The following TSFM variants were observed in gnomAD, a reference collection of about 807,000 sequenced individuals.
TSFM encodes the protein Ts translation elongation factor, mitochondrial, also known as elongation factor Ts, mitochondrial.
TSFM carries 29 observed loss-of-function variants against 33.4 expected under a neutral mutation model. That is an observed-to-expected ratio of 0.87 (90% CI 0.65 to 1.18). The LOEUF (loss-of-function observed/expected upper bound fraction) is 1.18, where lower values mean the gene tolerates loss of function less well. Ranked by LOEUF, TSFM falls within the 50% of genes most tolerant of loss-of-function variation. The pLI, the probability that TSFM is intolerant of heterozygous loss-of-function variation, is 0.00. For synonymous variants in TSFM, 178 were observed against 163.5 expected, an observed-to-expected ratio of 1.09 and a Z score of -0.68; for missense variants, 394 against 395.6, an observed-to-expected ratio of 1.00 and a Z score of 0.04.
intron 5 of TSFM, among the ~76,000 whole-genome samples, chr12:57,793,857 A>G (rs1214735598): frequency 6.6e-6 from 1 of 152,182 alleles, no homozygotes; most frequent in Admixed American, 6.5e-5. Flanking sequence ...ATTGAGGAGC[A>G]TTGTTTTTAG....
chr12:57,782,822 G>A lies in TSFM; in HGVS notation c.21G>A (p.Leu7=). 6.3e-7 allele frequency: 1 copy of A among 1,595,162 alleles called. No homozygotes were observed. The highest frequency in any genetic ancestry group is 1.7e-5 in the Admixed American group (1 of 57,266). MSLLRS[L]RVFLVARTGS... ...GAGAGATGTCGCTGCTGCGGTCGCT[G>A]CGCGTGTTTCTGGTCGCGCGGACCG... The change falls in exon 1 of 6, where the codon CTG becomes CTA. Residue 7 remains leucine, a synonymous_variant. Coordinates refer to ENST00000652027, the MANE Select transcript of TSFM (RefSeq NM_005726.6).
chr12:57,783,985 A>G (rs1432987200), intron 2 of TSFM: 8 of 702,794 alleles, frequency 1.1e-5, no homozygotes, highest in Non-Finnish European at 2.1e-5. Flanking sequence ...TCTTAATAGG[A>G]AGATACATTC....
chr12:57,784,263 G>A, intron 2 of TSFM: 1 of 623,250 alleles, frequency 1.6e-6, no homozygotes. Context: ...TATCATGTAT[G>A]GAGCTTGCAG....
At position 57,783,168 on chromosome 12, in the gene TSFM, G is replaced by C. The variant is rs1388095732; in HGVS notation, c.116G>C (p.Arg39Pro). The change falls in exon 2 of 6, where the codon CGT (arginine) becomes CCT (proline). Residue 39 changes from arginine to proline, a missense_variant. Coordinates refer to ENST00000652027, the MANE Select transcript of TSFM (RefSeq NM_005726.6). ...AGGCACACATTTTATGCTGGGCCCC[G>C]TCTGTCTGCCTCGGCCTCCAGCAAG... ...QPRHTFYAGP[R>P]LSASASSKEL... The C allele has an allele frequency of 5.0e-6, 8 of 1,613,236 alleles. No homozygotes were observed. The highest frequency in any genetic ancestry group is 1.3e-5 in the African/African-American group (1 of 74,904).
downstream of TSFM, among the ~76,000 whole-genome samples, chr12:57,798,692 C>T (rs1212900784): frequency 6.6e-6 from 1 of 151,598 alleles, no homozygotes; most frequent in Non-Finnish European, 1.5e-5. Context: ...TCTCGGCTCA[C>T]TGCAACCTCT....
At chr12:57,800,136 C>G, downstream of TSFM, 1 of 573,978 alleles carries the variant, frequency 1.7e-6, no homozygotes, top group Non-Finnish European at 2.9e-6. Flanking sequence ...AAAGCTGATT[C>G]AGTAAGTCCA....
In TSFM at chr12:57,796,369, G is replaced by T. The variant is rs767624430; in HGVS notation, c.764G>T (p.Arg255Leu). 6.2e-7 allele frequency: 1 copy of T among 1,602,468 alleles called. No homozygotes were observed. Among genetic ancestry groups the T allele is most frequent in the Non-Finnish European group, 8.5e-7 (1 of 1,174,342 alleles). Residue 255 changes from arginine to leucine, a missense_variant, in exon 6 of 6, where the codon CGC becomes CTC. Around this residue, in one of 3 missense-constraint regions of TSFM, gnomAD observed 186 missense variants for 198.8 expected, o/e 0.94. Coordinates refer to ENST00000652027, the MANE Select transcript of TSFM (RefSeq NM_005726.6). ...ACAAACCTTGAAGACGTTGGCCGCC[G>T]CCTTGGGCAGCATGTGGTGGGCATG... ...QKTNLEDVGRRLGQHVVGMAP... is the reference protein window; with the variant it reads ...QKTNLEDVGRLLGQHVVGMAP...
downstream of TSFM, chr12:57,797,944 G>A: frequency 6.2e-7 from 1 of 1,613,102 alleles, no homozygotes; most frequent in East Asian, 2.2e-5. Context: ...GCTGCAAATT[G>A]CCCTCTTGTG....
intron 3 of TSFM, 92 bp from the exon 4 acceptor site, chr12:57,786,948 C>G (rs926507221): frequency 7.3e-7 from 1 of 1,375,224 alleles, no homozygotes; most frequent in African/African-American, 1.4e-5. Context: ...GTAGCTTGTT[C>G]TATCAGTATC....
intron 2 of TSFM, 120 bp downstream of exon 2, chr12:57,783,403 A>G (rs1955541323): frequency 7.9e-7 from 1 of 1,271,220 alleles, no homozygotes; most frequent in African/African-American, 1.5e-5. Context: ...CACAGTCCTA[A>G]GTGGAAATCT....
rs1266966066 is a variant in TSFM at position 57,796,431 on chromosome 12, G to C, written c.826G>C (p.Gly276Arg). The part of the protein sequence containing the change: ...LSVGSLDDEP[G>R]GEAETKMLSQ... ...TGTTGGCTCCCTGGACGATGAGCCT[G>C]GGGGAGAGGCAGAGACTAAGATGCT... is the stretch of plus-strand genomic sequence containing the variant. The change falls in exon 6 of 6, where the codon GGG becomes CGG. Residue 276 changes from glycine (G) to arginine (R), a missense_variant. Physicochemically the swap from Gly to Arg is moderately radical, Grantham distance 125. This residue lies in a region of TSFM where 186 missense variants were observed against 198.8 expected (regional missense o/e 0.94). Transcript: ENST00000652027. 1.9e-6 allele frequency: 3 copies of C among 1,602,618 alleles called. No individual in the cohort carries two copies. Among genetic ancestry groups the C allele is most frequent in the Admixed American group, 1.7e-5 (1 of 57,840 alleles).
At position 57,786,182 on chromosome 12, in the gene TSFM, A is replaced by G. The variant is rs776816831; in HGVS notation, c.251A>G (p.Lys84Arg). ...TTACAGGCAGAGATCTGGCTCCACA[A>G]GGAGGCCCAGAAGGAGGGCTGGAGC... ...DLKQAEIWLH[K>R]EAQKEGWSKA... Residue 84 changes from lysine to arginine, a missense_variant, in exon 3 of 6, where the codon AAG becomes AGG. Transcript: ENST00000652027. The G allele has an allele frequency of 1.9e-6, 3 of 1,607,350 alleles. No homozygotes were observed. Among genetic ancestry groups the G allele is most frequent in the Middle Eastern group, 1.6e-4 (1 of 6,078 alleles).
intron 4 of TSFM, among the ~76,000 whole-genome samples, chr12:57,791,133 C>T (rs1488481587): frequency 6.6e-6 from 1 of 151,698 alleles, no homozygotes; most frequent in African/African-American, 2.4e-5. Context: ...CCTCAGCCTC[C>T]TGAGTAGCTG....
At chr12:57,792,635 C>G (rs912105378) in intron 4 of TSFM, among the ~76,000 whole-genome samples, 5 of 151,818 alleles carry the variant, frequency 3.3e-5, no homozygotes, top group African/African-American at 1.2e-4. Flanking sequence ...TTCTGTTTCC[C>G]CGGCTGGAGT....
At chr12:57,783,945 G>A (rs913441469) in intron 2 of TSFM, 1 of 702,812 alleles carries the variant, frequency 1.4e-6, no homozygotes, top group Admixed American at 2.0e-5. Flanking sequence ...TTTCAGAGTT[G>A]TGTAGTTTTT....
intron 2 of TSFM, chr12:57,784,251 C>T: frequency 4.6e-6 from 3 of 645,786 alleles, no homozygotes; most frequent in Non-Finnish European, 8.4e-6. Context: ...CCATAGGGAA[C>T]TTATCATGTA....
chr12:57,792,601 T>C (rs1223499579), intron 4 of TSFM, among the ~76,000 whole-genome samples: 2 of 152,062 alleles, frequency 1.3e-5, no homozygotes, highest in Non-Finnish European at 2.9e-5. Context: ...TTCTTTCTTT[T>C]TTTTTTTTGA....
chr12:57,798,317 A>G (rs1955777023), downstream of TSFM, among the ~76,000 whole-genome samples: 1 of 152,234 alleles, frequency 6.6e-6, no homozygotes. Context: ...TGGCAGAATG[A>G]AGAACTAAAT....
At chr12:57,786,605 C>G (rs1404033137) in intron 3 of TSFM, among the ~76,000 whole-genome samples, 3 of 152,082 alleles carry the variant, frequency 2.0e-5, no homozygotes, top group African/African-American at 7.2e-5. Flanking sequence ...TTAATTGTTG[C>G]TGAATAGAGA....
Sources: allele counts gnomAD v4.1 joint callset (sites outside exome capture counted in the v4.1 genomes callset), GRCh38; gene constraint gnomAD v4.1.1; regional missense constraint gnomAD v4.1.1; transcripts MANE v1.5; gene names NCBI Gene and HGNC (gene_info 2026-07-23, HGNC 2026-07-21).